COPS5: variants seen among roughly 807,000 people sequenced by gnomAD.
COPS5 encodes COP9 signalosome complex subunit 5.
In COPS5, 8 loss-of-function variants were observed where a neutral mutation model predicts 44.4. That is an observed-to-expected ratio of 0.18 (90% confidence interval 0.11 to 0.32). COPS5 has a LOEUF of 0.32. Ranked by LOEUF, COPS5 falls within the 10% of genes least tolerant of loss-of-function variation. The pLI is 1.00. For synonymous variants in COPS5, 122 were observed against 142.8 expected, an observed-to-expected ratio of 0.85 and a Z score of 1.04; for missense variants, 159 against 406.4, an observed-to-expected ratio of 0.39 and a Z score of 5.23.
At chr8:67,061,612 A>G (rs1217745775) in intron 1 of COPS5, 1 of 526,048 alleles carries the variant, frequency 1.9e-6, no homozygotes, top group Non-Finnish European at 3.4e-6. Flanking sequence ...CAGAAGTGAC[A>G]ACTTAAATCA....
chr8:67,052,386 A>C (rs1380820293), intron 5 of COPS5, among the ~76,000 whole-genome samples: 1 of 151,782 alleles, frequency 6.6e-6, no homozygotes, highest in Non-Finnish European at 1.5e-5. Context: ...GCTGGGGTCT[A>C]GGTGGTGAAG....
intron 6 of COPS5, among the ~76,000 whole-genome samples, chr8:67,046,835 A>C (rs1040425806): frequency 3.3e-5 from 5 of 150,804 alleles, no homozygotes; most frequent in African/African-American, 7.3e-5. Flanking sequence ...AAAAAAAAAA[A>C]AAAAAAAAAA....
At chr8:67,059,089 T>C in intron 2 of COPS5, 122 bp downstream of exon 2, 1 of 641,596 alleles carries the variant, frequency 1.6e-6, no homozygotes, top group Non-Finnish European at 2.6e-6. Flanking sequence ...ATTTTACATA[T>C]AAATCATTAA....
intron 6 of COPS5, among the ~76,000 whole-genome samples, chr8:67,049,200 C>T (rs958057909): frequency 6.6e-6 from 1 of 152,184 alleles, no homozygotes; most frequent in African/African-American, 2.4e-5. Context: ...CATGGTGGCT[C>T]ACGGCCTGTA....
chr8:67,056,456 A>G (rs929694606), intron 5 of COPS5, 63 bp downstream of exon 5: 18 of 563,042 alleles, frequency 3.2e-5, no homozygotes, highest in East Asian at 1.8e-4. Flanking sequence ...TGGCTTCCCA[A>G]AGTGCTGGGA....
intron 5 of COPS5, among the ~76,000 whole-genome samples, chr8:67,053,184 G>A (rs1050359696): frequency 8.6e-5 from 13 of 151,918 alleles, no homozygotes; most frequent in African/African-American, 2.9e-4. Context: ...TTGCCTCCCA[G>A]GTTCAAGTGA....
At chr8:67,061,062 T>C (rs1242586228) in intron 1 of COPS5, 1 of 167,168 alleles carries the variant, frequency 6.0e-6, no homozygotes, top group East Asian at 1.8e-4. Context: ...TAACCCGTAA[T>C]AATTATCTTT....
chr8:67,060,392 T>G, intron 1 of COPS5: 1 of 1,265,368 alleles, frequency 7.9e-7, no homozygotes, highest in Non-Finnish European at 1.0e-6. Context: ...GAGCAGTCAG[T>G]CAACGTCTCT....
At chr8:67,052,027 T>G (rs1319111309) in intron 5 of COPS5, among the ~76,000 whole-genome samples, 1 of 152,220 alleles carries the variant, frequency 6.6e-6, no homozygotes, top group Non-Finnish European at 1.5e-5. Flanking sequence ...ATGGGGGATG[T>G]GGTCTAAACC....
chr8:67,059,158 C>A, intron 2 of COPS5, 53 bp downstream of exon 2: 1 of 1,305,182 alleles, frequency 7.7e-7, no homozygotes, highest in Non-Finnish European at 1.1e-6. Context: ...ACTCAAAAGT[C>A]ACCTTGAGAC....
intron 4 of COPS5, 108 bp from the exon 5 acceptor site, chr8:67,056,712 A>T (rs546733058): frequency 0.015 from 1,515 of 99,788 alleles, 140 homozygotes; most frequent in African/African-American, 0.07. Flanking sequence ...TATATATATA[A>T]AAATGAGAAA....
chr8:67,046,480 C>G (rs913539382), intron 6 of COPS5, among the ~76,000 whole-genome samples: 1 of 152,022 alleles, frequency 6.6e-6, no homozygotes, highest in African/African-American at 2.4e-5. Context: ...TTTTGTGGAA[C>G]TTTCAGAATT....
chr8:67,061,427 TAA>T, intron 1 of COPS5: 1 of 394,488 alleles, frequency 2.5e-6, no homozygotes, highest in Admixed American at 2.8e-5. Flanking sequence ...CCATTTCTAT[TAA>T]AAAAAAAAGA....
At chr8:67,047,077 CA>C (rs919443397) in intron 6 of COPS5, among the ~76,000 whole-genome samples, 1 of 151,518 alleles carries the variant, frequency 6.6e-6, no homozygotes, top group South Asian at 2.1e-4. Context: ...GTCTAAAACA[CA>C]AAAAAAATTT....
chr8:67,053,960 C>G (rs1239571453), intron 5 of COPS5, among the ~76,000 whole-genome samples: 1 of 139,592 alleles, frequency 7.2e-6, no homozygotes, highest in African/African-American at 2.7e-5. Context: ...GAGCCGAGAT[C>G]ACACCACTGC....
chr8:67,056,628 A>C (rs1804505000), intron 4 of COPS5, 24 bp from the exon 5 acceptor site: 1 of 339,786 alleles, frequency 2.9e-6, no homozygotes. Context: ...AGGTAAACAG[A>C]AGATTAAGAA....
chr8:67,062,105 C>A lies in COPS5; in HGVS notation c.-109G>T. On this transcript the variant is annotated 5_prime_UTR_variant, in exon 1 of 8. Coordinates refer to ENST00000357849, the MANE Select transcript of COPS5 (RefSeq NM_006837.3). ...TCCGCACCACGGGAACAAACTCTTA[C>A]CTAGACTCTTGGGGCAGCCATGACA... 1 of 1,568,704 alleles carries A rather than the reference C, an allele frequency of 6.4e-7. No homozygotes were observed. Among genetic ancestry groups the A allele is most frequent in the Non-Finnish European group, 8.6e-7 (1 of 1,160,738 alleles).
intron 5 of COPS5, among the ~76,000 whole-genome samples, chr8:67,053,383 C>G (rs967932541): frequency 6.6e-6 from 1 of 151,180 alleles, no homozygotes; most frequent in African/African-American, 2.4e-5. Context: ...TAAAGTTTAG[C>G]GTGAGGAAAT....
intron 6 of COPS5, chr8:67,047,976 A>C: frequency 1.4e-6 from 1 of 691,796 alleles, no homozygotes; most frequent in Non-Finnish European, 2.6e-6. Context: ...ACTACTAAGG[A>C]TAAGAAATAA....
Sources: gnomAD v4.1 joint callset for allele counts (sites outside exome capture counted in the v4.1 genomes callset) on GRCh38, gnomAD v4.1.1 for gene constraint, MANE v1.5 for transcripts, NCBI Gene and HGNC (gene_info 2026-07-23, HGNC 2026-07-21) for gene names.